KCNG1: variants seen among roughly 807,000 people sequenced by gnomAD.
KCNG1 encodes voltage-gated potassium channel regulatory subunit KCNG1.
A neutral mutation model predicts 32.4 loss-of-function variants in KCNG1; 17 were observed. The ratio of observed to expected loss-of-function variants is 0.52; its 90% CI spans 0.36 to 0.79. The LOEUF (loss-of-function observed/expected upper bound fraction) is 0.79, where lower values mean the gene tolerates loss of function less well. Ranked by LOEUF, KCNG1 falls within the 30% of genes least tolerant of loss-of-function variation. The probability of loss-of-function intolerance (pLI) is 0.00; values close to 1 mark genes in which losing one functional copy is unlikely to be tolerated. For synonymous variants in KCNG1, 358 were observed against 339.9 expected (o/e 1.05, Z -0.59); for missense variants, 441 against 735.2 (o/e 0.60, Z 4.63).
chr20:51,020,852 C>G (rs1451676816), intron 1 of KCNG1, among the ~76,000 whole-genome samples: 1 of 152,198 alleles, frequency 6.6e-6, no homozygotes. Context: ...TTTCCTGAGG[C>G]ACCTCCCTCA....
In KCNG1 at chr20:51,003,689, T is replaced by TC. The variant is rs397947195; in HGVS notation, c.*349dup. On this transcript the variant is annotated 3_prime_UTR_variant, in exon 3 of 3. Coordinates refer to ENST00000371571, the MANE Select transcript of KCNG1 (RefSeq NM_002237.4). The stretch of plus-strand genomic sequence containing the variant: ...CTGCTGTTTGTATTTTTTTTTTTTT[T>TC]CTCCAGGCAGACCCATAAAGCAAGT... 8 of 174,826 alleles carry TC rather than the reference T, an allele frequency of 4.6e-5. No homozygotes were observed. Among genetic ancestry groups the TC allele is most frequent in the African/African-American group, 1.2e-4 (5 of 41,676 alleles). The allele number at this position is 174,826 out of a possible 1,614,324, so 10.8% of individuals were successfully genotyped here.
chr20:51,018,735 A>T (rs1487624682), intron 1 of KCNG1, among the ~76,000 whole-genome samples: 1 of 152,190 alleles, frequency 6.6e-6, no homozygotes, highest in Admixed American at 6.5e-5. Flanking sequence ...CAAATGAAGA[A>T]ACTGAGGCTC....
In KCNG1 at chr20:51,004,593, C is replaced by T. The variant is rs1343293069; in HGVS notation, c.988G>A (p.Ala330Thr). 2 of 1,578,934 alleles carry T rather than the reference C, an allele frequency of 1.3e-6. No individual in the cohort carries two copies. The highest frequency in any genetic ancestry group is 1.3e-5 in the African/African-American group (1 of 74,230). ...ACCTTGTCCAGGTAGCTGTTGCCCG[C>T]GCCGGGCTTGCGACGGCCTGCGGCG... ...GAAAGRRKPG[A>T]GNSYLDKVGL... is the part of the protein sequence containing the mutation. The change falls in exon 3 of 3, where the codon GCG becomes ACG. Residue 330 changes from alanine (A) to threonine (T), a missense_variant. This residue lies in a region of KCNG1 where 169 missense variants were observed against 297.7 expected (regional missense o/e 0.57). Coordinates refer to ENST00000371571, the MANE Select transcript of KCNG1 (RefSeq NM_002237.4). This position sits in a 1 kb window ranked among gnomAD's most constrained non-coding sequence, Gnocchi z 4.3.
In KCNG1 at chr20:51,005,024, A is replaced by T. The variant is rs1312952036; in HGVS notation, c.775-218T>A. ...CTCCTCATCTCTCTCTCCAGCCCCCACCTCAGCCCTGAACTCCAGACCCCC... is the reference window on the plus strand; with the variant it reads ...CTCCTCATCTCTCTCTCCAGCCCCCTCCTCAGCCCTGAACTCCAGACCCCC... On this transcript the variant is annotated intron_variant, in intron 2 of 2. Transcript: ENST00000371571. The surrounding 1 kb of genome is among the most constrained non-coding windows in gnomAD (Gnocchi z 4.0). 2.2e-6 allele frequency: 1 copy of T among 452,100 alleles called. No homozygotes were observed. The highest frequency in any genetic ancestry group is 2.0e-5 in the African/African-American group (1 of 49,080). The allele number at this position is 452,100 out of a possible 1,614,324, so 28.0% of individuals were successfully genotyped here. A position where few individuals can be genotyped will look rare whatever the true frequency, so the allele number is the denominator to read the frequency against.
intron 1 of KCNG1, among the ~76,000 whole-genome samples, chr20:51,019,513 AAATAAT>A (rs559458548): frequency 2.6e-5 from 4 of 151,888 alleles, no homozygotes; most frequent in African/African-American, 9.6e-5. Flanking sequence ...CTGTCTTCAA[AAATAAT>A]AATAATAATA....
intron 1 of KCNG1, among the ~76,000 whole-genome samples, chr20:51,011,584 G>T (rs369026227): frequency 3.0e-4 from 45 of 152,304 alleles, no homozygotes; most frequent in African/African-American, 1.1e-3. Context: ...TAATGCTGAG[G>T]TGGAGAAGCC....
chr20:51,014,855 G>A (rs556018664), intron 1 of KCNG1, among the ~76,000 whole-genome samples: 2 of 152,300 alleles, frequency 1.3e-5, no homozygotes, highest in South Asian at 2.1e-4. Flanking sequence ...GGGTTGAGCC[G>A]CATGGATAGA....
chr20:51,004,497 C>G lies in KCNG1; in HGVS notation c.1084G>C (p.Gly362Arg), dbSNP rs1360421221. The G allele has an allele frequency of 1.3e-6, 2 of 1,594,650 alleles. No individual in the cohort carries two copies. Among genetic ancestry groups the G allele is most frequent in the African/African-American group, 1.3e-5 (1 of 74,556 alleles). The change falls in exon 3 of 3, where the codon GGG (glycine) becomes CGG (arginine). Residue 362 changes from glycine to arginine, a missense_variant. By Grantham distance (125) the Gly-to-Arg change is moderately radical. Coordinates refer to ENST00000371571, the MANE Select transcript of KCNG1 (RefSeq NM_002237.4). This position sits in a 1 kb window ranked among gnomAD's most constrained non-coding sequence, Gnocchi z 4.3. ...GCCGTGAGCCCCAGCGTCTGCAGCCCCAGGGAGTGGCGCGCCAGGCGCATC... is the reference window on the plus strand; with the variant it reads ...GCCGTGAGCCCCAGCGTCTGCAGCCGCAGGGAGTGGCGCGCCAGGCGCATC... ...YVMRLARHSL[G>R]LQTLGLTARR...
rs1369086045 is a variant in KCNG1, at chr20:51,004,836, G to A, written c.775-30C>T. 4.0e-6 allele frequency: 6 copies of A among 1,501,320 alleles called. No homozygotes were observed. The highest frequency in any genetic ancestry group is 1.8e-4 in the Middle Eastern group (1 of 5,658). The allele number at this position is 1,501,320 out of a possible 1,614,324, so 93.0% of individuals were successfully genotyped here. Reference sequence around the variant, plus strand: ...GAGAGAGGGGAAGGGACGCCGGAGGGGTCAGCGGGCCCTCCAGGAAAGGAG... The same window carrying A: ...GAGAGAGGGGAAGGGACGCCGGAGGAGTCAGCGGGCCCTCCAGGAAAGGAG... On this transcript the variant is annotated intron_variant, in intron 2 of 2. Coordinates refer to ENST00000371571, the MANE Select transcript of KCNG1 (RefSeq NM_002237.4). This position sits in a 1 kb window ranked among gnomAD's most constrained non-coding sequence, Gnocchi z 4.3.
intron 1 of KCNG1, among the ~76,000 whole-genome samples, chr20:51,021,340 G>A (rs996572391): frequency 7.9e-5 from 12 of 152,178 alleles, no homozygotes; most frequent in East Asian, 3.9e-4. Context: ...TCCAAAAGCC[G>A]GGGGAGGCAC....
rs752171239 is a variant in KCNG1 at position 51,004,738 on chromosome 20, C to T, written c.843G>A (p.Leu281=). Residue 281 remains leucine, a synonymous_variant, in exon 3 of 3, where the codon CTG becomes CTA. Transcript: ENST00000371571. This position sits in a 1 kb window ranked among gnomAD's most constrained non-coding sequence, Gnocchi z 4.3. ...VESVCVGWFS[L]EFLLRLIQAP... ...CCTGAATGAGCCGCAGGAGGAACTCCAGGGAGAACCAGCCCACGCACACCG... is the reference window on the plus strand; with the variant it reads ...CCTGAATGAGCCGCAGGAGGAACTCTAGGGAGAACCAGCCCACGCACACCG... 1.3e-6 allele frequency: 2 copies of T among 1,593,966 alleles called. No individual in the cohort carries two copies. Among genetic ancestry groups the T allele is most frequent in the Admixed American group, 3.5e-5 (2 of 57,206 alleles).
chr20:51,009,531 G>T, intron 2 of KCNG1, 34 bp downstream of exon 2: 1 of 1,542,020 alleles, frequency 6.5e-7, no homozygotes. Flanking sequence ...TTCCCTCGTG[G>T]TGGCGCGTTT....
chr20:51,011,251 G>T (rs1281464548), intron 1 of KCNG1, among the ~76,000 whole-genome samples: 1 of 152,172 alleles, frequency 6.6e-6, no homozygotes, highest in Non-Finnish European at 1.5e-5. Context: ...ATGTGAAGGG[G>T]TCTCTGATCC....
At position 51,019,534 on chromosome 20, in the gene KCNG1, T is replaced by A. The variant is rs577606212; in HGVS notation, c.-27+3336A>T. ...TCAAAAATAATAATAATAATAATAA[T>A]AAATTTATATTGCTTTAAGCCACTA... is the stretch of plus-strand genomic sequence containing the variant. On this transcript the variant is annotated intron_variant, in intron 1 of 2. Transcript: ENST00000371571. Among the ~76,000 whole-genome samples the A allele has an allele frequency of 1.5e-4, 23 of 151,996 alleles. No homozygotes were observed. In the South Asian group the frequency reaches 2.1e-3, roughly 14 times the overall value.
At position 51,015,400 on chromosome 20, in the gene KCNG1, G is replaced by C. The variant is rs1215478332; in HGVS notation, c.-26-5036C>G. Among the ~76,000 whole-genome samples the C allele has an allele frequency of 6.6e-6, 1 of 152,188 alleles. No individual in the cohort carries two copies. Among genetic ancestry groups the C allele is most frequent in the Non-Finnish European group, 1.5e-5 (1 of 68,032 alleles). ...CAGCTGGCAAAATCCAGGAGAGAGG[G>C]GGGAGATGGGTGTCTCCCAAGGACG... On this transcript the variant is annotated intron_variant, in intron 1 of 2. Coordinates refer to ENST00000371571, the MANE Select transcript of KCNG1 (RefSeq NM_002237.4). The surrounding 1 kb of genome is among the most constrained non-coding windows in gnomAD (Gnocchi z 4.4).
At chr20:51,021,857 C>T (rs1988495409) in intron 1 of KCNG1, among the ~76,000 whole-genome samples, 1 of 152,190 alleles carries the variant, frequency 6.6e-6, no homozygotes. Flanking sequence ...AACTCCTCCC[C>T]ACCCTACCCC....
chr20:51,017,916 T>A lies in KCNG1; in HGVS notation c.-27+4954A>T, dbSNP rs149664551. Among the ~76,000 whole-genome samples the A allele has an allele frequency of 3.3e-3, 499 of 152,284 alleles. 4 individuals carry two copies. The highest frequency in any genetic ancestry group is 0.011 in the African/African-American group (473 of 41,550). ...AAAAATCTTCTGCGTTGGGGCTGCC[T>A]TGATCAAATTTCCATTCAGGAGCCC... On this transcript the variant is annotated intron_variant, in intron 1 of 2. Transcript: ENST00000371571.
chr20:51,020,952 G>C (rs1380395314), intron 1 of KCNG1, among the ~76,000 whole-genome samples: 3 of 152,176 alleles, frequency 2.0e-5, no homozygotes, highest in African/African-American at 7.2e-5. Flanking sequence ...ACAAGCTTCG[G>C]GAAAGTCTTT....
At chr20:51,008,184 A>G (rs1220608064) in intron 2 of KCNG1, 3 of 152,354 alleles carry the variant, frequency 2.0e-5, no homozygotes, top group African/African-American at 7.2e-5. Flanking sequence ...TCACCAACTC[A>G]AAGGCCCATG....
Sources: gnomAD v4.1 joint callset for allele counts (sites outside exome capture counted in the v4.1 genomes callset) on GRCh38, gnomAD v4.1.1 for gene constraint, gnomAD v4.1.1 regional missense constraint, Gnocchi (gnomAD v3.1) non-coding constraint, MANE v1.5 for transcripts, NCBI Gene and HGNC (gene_info 2026-07-23, HGNC 2026-07-21) for gene names.